Variants in ABCC1 observed in about 807,000 individuals in gnomAD.
The protein encoded by ABCC1 is ATP binding cassette subfamily C member 1 (ABCC1 blood group).
ABCC1 carries 83 observed loss-of-function variants against 172.9 expected under a neutral mutation model. That is an observed-to-expected ratio of 0.48 (90% CI 0.40 to 0.58). The LOEUF is 0.58. Ranked by LOEUF, ABCC1 falls within the 20% of genes least tolerant of loss-of-function variation. The pLI, the probability that ABCC1 is intolerant of heterozygous loss-of-function variation, is 0.00. For synonymous variants in ABCC1, 937 were observed against 825.2 expected, an observed-to-expected ratio of 1.14 and a Z score of -2.32; for missense variants, 1,817 against 2,002.7, an observed-to-expected ratio of 0.91 and a Z score of 1.77.
intron 1 of ABCC1, among the ~76,000 whole-genome samples, chr16:15,979,722 C>T (rs2046577199): frequency 6.6e-6 from 1 of 152,068 alleles, no homozygotes; most frequent in Non-Finnish European, 1.5e-5. Context: ...TGGCCTTCCT[C>T]CCATCTTGGC....
intron 1 of ABCC1, among the ~76,000 whole-genome samples, chr16:15,980,224 G>T (rs983409713): frequency 2.0e-5 from 3 of 152,050 alleles, no homozygotes; most frequent in Non-Finnish European, 4.4e-5. Context: ...TTAAAAATTG[G>T]CCAGGCATGG....
chr16:16,069,339 A>C (rs934130773), intron 13 of ABCC1, among the ~76,000 whole-genome samples: 12 of 151,402 alleles, frequency 7.9e-5, no homozygotes, highest in African/African-American at 2.9e-4. Context: ...TCACCACTAC[A>C]CTCCAGCCTG....
intron 23 of ABCC1, among the ~76,000 whole-genome samples, chr16:16,117,070 T>TA (rs2044914735): frequency 6.6e-6 from 1 of 152,188 alleles, no homozygotes; most frequent in Admixed American, 6.5e-5. Flanking sequence ...ATTTAAAACT[T>TA]ACACATTATT....
chr16:16,032,237 C>T (rs35160852), intron 5 of ABCC1, among the ~76,000 whole-genome samples: 19,010 of 152,166 alleles, frequency 0.12, 1,658 homozygotes, highest in African/African-American at 0.24. Context: ...GATCTGCCTG[C>T]CTCGGTCTCC....
intron 16 of ABCC1, among the ~76,000 whole-genome samples, chr16:16,081,422 A>G (rs765364906): frequency 6.6e-6 from 1 of 152,228 alleles, no homozygotes; most frequent in Non-Finnish European, 1.5e-5. Context: ...GCTTTCTGCT[A>G]TCCTGGCACT....
chr16:16,083,550 T>A lies in ABCC1; in HGVS notation c.2292+8T>A, dbSNP rs1339130723. The A allele has an allele frequency of 6.2e-7, 1 of 1,602,998 alleles. No individual in the cohort carries two copies. Among genetic ancestry groups the A allele is most frequent in the Non-Finnish European group, 8.5e-7 (1 of 1,171,560 alleles). On this transcript the variant is annotated splice_region_variant and intron_variant, in intron 17 of 30. Coordinates refer to ENST00000399410, the MANE Select transcript of ABCC1 (RefSeq NM_004996.4). ...ACAGAGATTGGCGAGAAGGTCAGTA[T>A]AGGTTGGATGTTGGCCCCTGAATCA...
chr16:16,003,920 G>A (rs2047418197), intron 1 of ABCC1, among the ~76,000 whole-genome samples: 2 of 145,582 alleles, frequency 1.4e-5, no homozygotes, highest in South Asian at 4.5e-4. Flanking sequence ...ATTGGTAGGT[G>A]GGTAGCTGAA....
At chr16:15,986,383 A>G (rs1325976798) in intron 1 of ABCC1, among the ~76,000 whole-genome samples, 1 of 152,174 alleles carries the variant, frequency 6.6e-6, no homozygotes, top group Non-Finnish European at 1.5e-5. Flanking sequence ...GTGGCCTGTT[A>G]GGAACTGAGT....
At chr16:16,112,695 T>C (rs2044671976) in intron 22 of ABCC1, among the ~76,000 whole-genome samples, 1 of 152,210 alleles carries the variant, frequency 6.6e-6, no homozygotes, top group African/African-American at 2.4e-5. Flanking sequence ...TGTTATCCAC[T>C]GTGCTACGCA....
At chr16:16,124,361 G>T (rs2045325982) in intron 24 of ABCC1, among the ~76,000 whole-genome samples, 1 of 102,436 alleles carries the variant, frequency 9.8e-6, no homozygotes, top group Non-Finnish European at 2.0e-5. Context: ...TTATAGGAGT[G>T]ACCCACTACG....
intron 24 of ABCC1, among the ~76,000 whole-genome samples, 176 bp downstream of exon 24, chr16:16,122,350 C>T (rs537635566): frequency 8.3e-4 from 126 of 152,292 alleles, no homozygotes; most frequent in African/African-American, 2.8e-3. Context: ...GAGCAGACAG[C>T]GGCACTGTAG....
chr16:16,081,979 C>T (rs988044918), intron 16 of ABCC1, among the ~76,000 whole-genome samples: 1 of 152,152 alleles, frequency 6.6e-6, no homozygotes, highest in African/African-American at 2.4e-5. Flanking sequence ...GATCTTGACA[C>T]TGTATTCCAG....
chr16:16,112,283 G>C (rs2044650528), intron 22 of ABCC1, among the ~76,000 whole-genome samples: 1 of 151,876 alleles, frequency 6.6e-6, no homozygotes, highest in East Asian at 1.9e-4. Flanking sequence ...GATTGCTTGA[G>C]CCCAGGAGTT....
chr16:16,023,984 C>G (rs779233080), intron 5 of ABCC1, among the ~76,000 whole-genome samples: 4 of 151,878 alleles, frequency 2.6e-5, no homozygotes, highest in Admixed American at 2.0e-4. Context: ...TTTGGGAGGC[C>G]GAGGCAGGCA....
intron 15 of ABCC1, among the ~76,000 whole-genome samples, chr16:16,077,530 AGTCTCACGTGGACAGTGGCAGGTACT>A (rs565495572): frequency 0.016 from 2,440 of 152,108 alleles, 64 homozygotes; most frequent in African/African-American, 0.051. Context: ...AGAATATTTC[AGTCTCACGTGGACAGTGGCAGGTACT>A]GTCTCACGTG....
At chr16:15,966,505 C>T (rs1353208752) in intron 1 of ABCC1, among the ~76,000 whole-genome samples, 2 of 151,838 alleles carry the variant, frequency 1.3e-5, no homozygotes, top group Non-Finnish European at 2.9e-5. Context: ...AGCTGTCTGG[C>T]ACTGGGAAGG....
intron 7 of ABCC1, among the ~76,000 whole-genome samples, chr16:16,039,023 C>T (rs246230): frequency 0.19 from 29,516 of 151,974 alleles, 3,362 homozygotes; most frequent in East Asian, 0.33. Flanking sequence ...TGCTTAGCGA[C>T]GTTTAGTCCC....
chr16:15,982,776 A>G (rs1452476537), intron 1 of ABCC1, among the ~76,000 whole-genome samples: 1 of 131,994 alleles, frequency 7.6e-6, no homozygotes, highest in Non-Finnish European at 1.6e-5. Context: ...ACTGCACTCC[A>G]GTCTGGGCAA....
intron 7 of ABCC1, among the ~76,000 whole-genome samples, chr16:16,037,097 G>T (rs951995540): frequency 6.7e-6 from 1 of 149,814 alleles, no homozygotes; most frequent in Admixed American, 6.6e-5. Context: ...GTGAGACTCC[G>T]TCTCAAAAAA....
Sources: allele counts gnomAD v4.1 joint callset (sites outside exome capture counted in the v4.1 genomes callset), GRCh38; gene constraint gnomAD v4.1.1; transcripts MANE v1.5; gene names NCBI Gene and HGNC (gene_info 2026-07-23, HGNC 2026-07-21).